Variants in FAM13A observed in about 807,000 individuals in gnomAD.
FAM13A encodes protein FAM13A.
Under a neutral mutation model 129.6 loss-of-function variants are expected in FAM13A, and 76 were observed. The ratio of observed to expected loss-of-function variants is 0.59; its 90% CI spans 0.49 to 0.71. FAM13A has a LOEUF of 0.71. FAM13A is among the 30% of genes least tolerant of loss of function. The probability of loss-of-function intolerance (pLI) is 0.00; values close to 1 mark genes in which losing one functional copy is unlikely to be tolerated. For missense variants in FAM13A, 1,108 were observed against 1,249.3 expected (o/e 0.89, Z 1.70); for synonymous variants, 443 against 449.9 (o/e 0.98, Z 0.20).
chr4:88,910,590 AC>A (rs894846570), intron 5 of FAM13A, among the ~76,000 whole-genome samples: 4 of 149,642 alleles, frequency 2.7e-5, no homozygotes, highest in African/African-American at 9.9e-5. Flanking sequence ...TCTATCCCCT[AC>A]CCTATTTTAT....
At chr4:88,902,183 G>A (rs1747404199) in intron 6 of FAM13A, among the ~76,000 whole-genome samples, 1 of 152,128 alleles carries the variant, frequency 6.6e-6, no homozygotes, top group South Asian at 2.1e-4. Context: ...GAGGTACAAA[G>A]AAGAGGTGGT....
At chr4:88,965,207 G>T (rs1903004) in intron 4 of FAM13A, among the ~76,000 whole-genome samples, 1 of 152,072 alleles carries the variant, frequency 6.6e-6, no homozygotes, top group Non-Finnish European at 1.5e-5. Flanking sequence ...GGAAGAAACA[G>T]TGCCTTTCAC....
chr4:88,825,563 T>C (rs897228880), intron 7 of FAM13A, among the ~76,000 whole-genome samples: 1 of 152,110 alleles, frequency 6.6e-6, no homozygotes, highest in African/African-American at 2.4e-5. Context: ...ATAGTTAATA[T>C]TCAAGTGACA....
At chr4:88,789,596 C>A (rs1194498264) in intron 9 of FAM13A, among the ~76,000 whole-genome samples, 2 of 152,102 alleles carry the variant, frequency 1.3e-5, no homozygotes, top group Admixed American at 1.3e-4. Context: ...CTAATATATG[C>A]CAGGAACTTC....
intron 7 of FAM13A, among the ~76,000 whole-genome samples, chr4:88,815,089 T>A (rs1730457901): frequency 6.6e-6 from 1 of 152,112 alleles, no homozygotes; most frequent in Admixed American, 6.6e-5. Context: ...GCGATCCTCC[T>A]GCCTCTGCCT....
intron 16 of FAM13A, 60 bp from the exon 17 acceptor site, chr4:88,749,093 T>C (rs1742001228): frequency 1.6e-6 from 2 of 1,235,720 alleles, no homozygotes; most frequent in South Asian, 2.4e-5. Flanking sequence ...GTAAGAAGTG[T>C]TTGATGATCA....
chr4:88,888,412 C>T (rs1744788826), intron 6 of FAM13A, among the ~76,000 whole-genome samples: 1 of 152,042 alleles, frequency 6.6e-6, no homozygotes, highest in Admixed American at 6.6e-5. Flanking sequence ...ATTTGAAAGG[C>T]AGAGGAAAAG....
At chr4:89,011,945 GTTTAA>G (rs1765792749) in intron 3 of FAM13A, among the ~76,000 whole-genome samples, 3 of 152,006 alleles carry the variant, frequency 2.0e-5, no homozygotes, top group Admixed American at 1.3e-4. Flanking sequence ...AAATCAAGAT[GTTTAA>G]TTTTTCATTT....
At chr4:88,851,619 G>C (rs1018420200) in intron 6 of FAM13A, among the ~76,000 whole-genome samples, 1 of 152,154 alleles carries the variant, frequency 6.6e-6, no homozygotes, top group East Asian at 1.9e-4. Context: ...TGTCTGAAAG[G>C]TATTCAGAAA....
rs761198841 is a variant in FAM13A at position 88,851,226 on chromosome 4, T to C, written c.844-43A>G. The C allele has an allele frequency of 5.4e-6, 8 of 1,468,624 alleles. No individual in the cohort carries two copies. The South Asian group carries it at 7.1e-5, about 13-fold the overall frequency. The allele number at this position is 1,468,624 out of a possible 1,614,324, so 91.0% of individuals were successfully genotyped here. On this transcript the variant is annotated intron_variant, in intron 6 of 23. Transcript: ENST00000264344. ...GAGGGGTGGGGGAGAGCTAGATAAA[T>C]GTTAAAGTCTTTCAAATTAAGTTTA...
rs539036683 is a variant in FAM13A at position 88,796,341 on chromosome 4, G to T, written c.1050-5714C>A. On this transcript the variant is annotated intron_variant, in intron 8 of 23. Transcript: ENST00000264344. ...ATTACACTGTGGTCAGAAATTATTG[G>T]CTATCAAAATTTCTGCTCTTTAAGA... 2.0e-5 allele frequency among the ~76,000 whole-genome samples: 3 copies of T among 151,960 alleles called. No individual in the cohort carries two copies. The South Asian group carries it at 6.2e-4, about 32-fold the overall frequency.
At chr4:89,032,804 C>T (rs929302776) in intron 1 of FAM13A, among the ~76,000 whole-genome samples, 1 of 152,166 alleles carries the variant, frequency 6.6e-6, no homozygotes, top group Non-Finnish European at 1.5e-5. Context: ...AACAATACTA[C>T]TCAAAATGAT....
intron 11 of FAM13A, among the ~76,000 whole-genome samples, chr4:88,779,442 T>C (rs1005593218): frequency 2.0e-4 from 30 of 152,314 alleles, no homozygotes; most frequent in African/African-American, 7.0e-4. Context: ...TTGTGGTTAC[T>C]TGCGAAGATT....
At chr4:88,739,621 C>CAAAAAAAAAAAAAAA (rs5860146) in intron 19 of FAM13A, among the ~76,000 whole-genome samples, 1 of 112,648 alleles carries the variant, frequency 8.9e-6, no homozygotes. Context: ...CTAAAAAATA[C>CAAAAAAAAAAAAAAA]AAAAAAAAAA....
At chr4:88,809,390 G>C (rs1729210200) in intron 7 of FAM13A, among the ~76,000 whole-genome samples, 1 of 152,064 alleles carries the variant, frequency 6.6e-6, no homozygotes, top group Admixed American at 6.6e-5. Context: ...TTTCTAAGTG[G>C]TTTGAGACAG....
At chr4:88,744,967 T>C (rs1205901438) in intron 19 of FAM13A, among the ~76,000 whole-genome samples, 3 of 152,216 alleles carry the variant, frequency 2.0e-5, no homozygotes, top group Non-Finnish European at 4.4e-5. Flanking sequence ...ATAGTTCATA[T>C]TCTTAATGAT....
chr4:88,734,843 A>G (rs1323598821), intron 21 of FAM13A, among the ~76,000 whole-genome samples: 1 of 152,256 alleles, frequency 6.6e-6, no homozygotes, highest in African/African-American at 2.4e-5. Flanking sequence ...GCCAAAATGA[A>G]TTCCCAATAC....
intron 5 of FAM13A, 138 bp from the exon 6 acceptor site, chr4:88,906,600 TAGTACGG>T (rs1449428178): frequency 1.6e-6 from 1 of 625,978 alleles, no homozygotes; most frequent in South Asian, 2.0e-5. Context: ...GGTGAAATTG[TAGTACGG>T]AGTCAAAACT....
At chr4:88,804,955 G>A in intron 8 of FAM13A, 56 bp downstream of exon 8, 2 of 955,902 alleles carry the variant, frequency 2.1e-6, no homozygotes, top group South Asian at 2.8e-5. Flanking sequence ...TAAACCCAAA[G>A]AAGCCTTAAC....
Sources: gnomAD v4.1 joint callset for allele counts (sites outside exome capture counted in the v4.1 genomes callset) on GRCh38, gnomAD v4.1.1 for gene constraint, MANE v1.5 for transcripts, NCBI Gene and HGNC (gene_info 2026-07-23, HGNC 2026-07-21) for gene names.